MYO5A: variants seen among roughly 807,000 people sequenced by gnomAD.
The protein encoded by MYO5A is unconventional myosin-Va.
In MYO5A, 98 loss-of-function variants were observed where a neutral mutation model predicts 249.7. The observed-to-expected ratio is 0.39, with a 90% CI of 0.33 to 0.46. The LOEUF (loss-of-function observed/expected upper bound fraction) is 0.46. Among genes scored for constraint, MYO5A ranks in the 20% least tolerant of loss-of-function variants. MYO5A has a pLI of 0.98. For missense variants in MYO5A, 1,696 were observed against 2,308.8 expected (o/e 0.73, Z 5.44); for synonymous variants, 778 against 810.6 (o/e 0.96, Z 0.68).
In MYO5A at chr15:52,370,432, A is replaced by G. The variant is rs2141085177; in HGVS notation, c.2818-15T>C. ...TAGTCTTTGTTCTTTAAACATACAC[A>G]TAAGTAACAATAAGTAAATACACAT... On this transcript the variant is annotated splice_polypyrimidine_tract_variant and intron_variant, in intron 21 of 41. Transcript: ENST00000399233. 1.3e-6 allele frequency: 2 copies of G among 1,590,698 alleles called. No individual in the cohort carries two copies. The highest frequency in any genetic ancestry group is 4.5e-5 in the East Asian group (2 of 44,766).
chr15:52,334,582 TTG>T (rs999167496), intron 34 of MYO5A, among the ~76,000 whole-genome samples: 2 of 152,250 alleles, frequency 1.3e-5, no homozygotes, highest in Non-Finnish European at 2.9e-5. Flanking sequence ...ATTTCAGTAT[TTG>T]TACATCCAAC....
intron 27 of MYO5A, among the ~76,000 whole-genome samples, chr15:52,352,741 C>T (rs1848779869): frequency 1.3e-5 from 2 of 152,044 alleles, no homozygotes; most frequent in Admixed American, 6.5e-5. Context: ...CAAGATCACA[C>T]CACTGCACTC....
intron 16 of MYO5A, among the ~76,000 whole-genome samples, chr15:52,382,715 C>A (rs1305458471): frequency 6.6e-6 from 1 of 152,244 alleles, no homozygotes; most frequent in Non-Finnish European, 1.5e-5. Flanking sequence ...ATGATTTCAG[C>A]AGTGGAGAAG....
intron 16 of MYO5A, among the ~76,000 whole-genome samples, chr15:52,380,270 T>C (rs984103507): frequency 3.3e-5 from 5 of 152,212 alleles, no homozygotes; most frequent in Non-Finnish European, 5.9e-5. Context: ...ACCCCGTCTC[T>C]ACTAAAAACA....
At position 52,325,408 on chromosome 15, in the gene MYO5A, CT is replaced by C. The variant is rs1209313890; in HGVS notation, c.4711-1965del. Among the ~76,000 whole-genome samples, 502 of 139,372 alleles carry C rather than the reference CT, an allele frequency of 3.6e-3. 1 individual carries two copies. Among genetic ancestry groups the C allele is most frequent in the Admixed American group, 4.7e-3 (66 of 14,002 alleles). The allele number at this position is 139,372 out of a possible 152,430, so 91.4% of individuals were successfully genotyped here. On this transcript the variant is annotated intron_variant, in intron 36 of 41. Transcript: ENST00000399233. ...GCTCTAGGCTTTGCTAAGCCCCCCA[CT>C]TTTTTTTTTTTTTTTTGAGACAGAG...
At chr15:52,443,506 T>C (rs1267502247) in intron 1 of MYO5A, among the ~76,000 whole-genome samples, 1 of 147,954 alleles carries the variant, frequency 6.8e-6, no homozygotes, top group African/African-American at 2.5e-5. Context: ...AGGTTAGGAG[T>C]TCGAGACCAG....
intron 31 of MYO5A, among the ~76,000 whole-genome samples, chr15:52,341,702 C>G (rs1471015446): frequency 3.3e-5 from 5 of 151,004 alleles, no homozygotes; most frequent in East Asian, 2.0e-4. Context: ...AGATCTGCAG[C>G]AATAACACCC....
chr15:52,398,301 G>A (rs1243025942), intron 9 of MYO5A, among the ~76,000 whole-genome samples: 2 of 152,136 alleles, frequency 1.3e-5, no homozygotes, highest in East Asian at 3.8e-4. Context: ...CATGAGACTT[G>A]CATGAGTAGA....
intron 36 of MYO5A, among the ~76,000 whole-genome samples, chr15:52,326,810 T>G (rs1457327360): frequency 6.6e-6 from 1 of 152,240 alleles, no homozygotes; most frequent in African/African-American, 2.4e-5. Flanking sequence ...ATCTTTACCC[T>G]AAAAGCTCTC....
At chr15:52,441,340 G>A (rs1403352365) in intron 1 of MYO5A, among the ~76,000 whole-genome samples, 2 of 152,080 alleles carry the variant, frequency 1.3e-5, no homozygotes. Context: ...GCATGTGTGT[G>A]TATACATAAA....
At position 52,351,239 on chromosome 15, in the gene MYO5A, T is replaced by G. The variant is rs975938096; in HGVS notation, c.3849+15A>C. ...AGTCCCCGAACACCCAGTTTAATTG[T>G]GTGCTTGCGCTTACCTTGGGTTGGA... is the stretch of plus-strand genomic sequence containing the variant. On this transcript the variant is annotated intron_variant, in intron 28 of 41. Coordinates refer to ENST00000399233, the MANE Select transcript of MYO5A (RefSeq NM_001382347.1). 12 of 1,608,782 alleles carry G rather than the reference T, an allele frequency of 7.5e-6. No individual in the cohort carries two copies. Among genetic ancestry groups the G allele is most frequent in the Non-Finnish European group, 1.0e-5 (12 of 1,175,798 alleles).
intron 35 of MYO5A, 56 bp from the exon 36 acceptor site, chr15:52,328,062 C>T: frequency 7.2e-7 from 1 of 1,398,114 alleles, no homozygotes; most frequent in African/African-American, 1.4e-5. Context: ...ACGAGGCATG[C>T]ATTGTGAGAT....
intron 15 of MYO5A, 28 bp downstream of exon 15, chr15:52,384,133 C>G: frequency 6.2e-7 from 1 of 1,613,512 alleles, no homozygotes; most frequent in Non-Finnish European, 8.5e-7. Context: ...AAGGAAGGAG[C>G]GTGGCAGCGG....
chr15:52,528,930 C>G (rs2077776027), upstream of MYO5A: 4 of 801,888 alleles, frequency 5.0e-6, no homozygotes, highest in Non-Finnish European at 6.3e-6. Flanking sequence ...CAGGGCCGGG[C>G]GGGGAGGGCC....
At chr15:52,422,103 A>C (rs2043820205) in intron 4 of MYO5A, among the ~76,000 whole-genome samples, 1 of 152,178 alleles carries the variant, frequency 6.6e-6, no homozygotes, top group African/African-American at 2.4e-5. Flanking sequence ...GAATAAAATA[A>C]AAAAATAGGC....
chr15:52,523,538 G>C (rs1436353228), intron 1 of MYO5A, among the ~76,000 whole-genome samples: 1 of 152,152 alleles, frequency 6.6e-6, no homozygotes, highest in Non-Finnish European at 1.5e-5. Flanking sequence ...AGAGTATCGT[G>C]GGAGTGGTAA....
intron 36 of MYO5A, chr15:52,323,758 C>T (rs1053381742): frequency 3.0e-6 from 1 of 333,392 alleles, no homozygotes; most frequent in African/African-American, 2.2e-5. Context: ...AATCCCAGCA[C>T]TTTGGGAGGC....
chr15:52,328,753 A>T (rs28374631), intron 35 of MYO5A, among the ~76,000 whole-genome samples: 1 of 152,114 alleles, frequency 6.6e-6, no homozygotes, highest in Admixed American at 6.5e-5. Context: ...TCCTCACCAT[A>T]GCATAGGATC....
In MYO5A at chr15:52,375,365, G is replaced by T; in HGVS notation, c.2516C>A (p.Ala839Asp). 6.2e-7 allele frequency: 1 copy of T among 1,614,096 alleles called. No homozygotes were observed. The highest frequency in any genetic ancestry group is 8.5e-7 in the Non-Finnish European group (1 of 1,179,958). ...GTAAGACTGAAGAACGATAGTGGCA[G>T]CTCGTCTAATCTTGTACCTCCTGCG... is the stretch of plus-strand genomic sequence containing the variant. Reference protein sequence around the residue: ...VVRRRYKIRRAATIVLQSYLR... With the variant: ...VVRRRYKIRRDATIVLQSYLR... Residue 839 changes from alanine (A) to aspartate (D), a missense_variant, in exon 20 of 42, where the codon GCT (alanine) becomes GAT (aspartate). By Grantham distance (126) the Ala-to-Asp change is moderately radical. Transcript: ENST00000399233.
Sources: allele counts gnomAD v4.1 joint callset (sites outside exome capture counted in the v4.1 genomes callset), GRCh38; gene constraint gnomAD v4.1.1; transcripts MANE v1.5; gene names NCBI Gene and HGNC (gene_info 2026-07-23, HGNC 2026-07-21).